COL12A1: variants seen among roughly 807,000 people sequenced by gnomAD.
COL12A1 encodes the protein collagen type XII alpha 1 chain, also known as collagen alpha-1(XII) chain.
A neutral mutation model predicts 349.7 loss-of-function variants in COL12A1; 114 were observed. The ratio of observed to expected loss-of-function variants is 0.33; its 90% CI spans 0.28 to 0.38. The LOEUF is 0.38. COL12A1 is among the 10% of genes least tolerant of loss of function. The pLI, the probability that COL12A1 is intolerant of heterozygous loss-of-function variation, is 1.00. For missense variants in COL12A1, 3,284 were observed against 3,756.9 expected (o/e 0.87, Z 3.29); for synonymous variants, 1,369 against 1,329.0 (o/e 1.03, Z -0.66).
At chr6:75,194,386 A>G (rs528019542) in intron 3 of COL12A1, among the ~76,000 whole-genome samples, 101 of 152,282 alleles carry the variant, frequency 6.6e-4, no homozygotes, top group Non-Finnish European at 9.4e-4. Flanking sequence ...ATCTGTCATC[A>G]TGGTTGTTTA....
At chr6:75,103,429 GGCTCCA>G in intron 55 of COL12A1, among the ~76,000 whole-genome samples, 1 of 152,284 alleles carries the variant, frequency 6.6e-6, no homozygotes, top group South Asian at 2.1e-4. Flanking sequence ...GCTCCCAACA[GGCTCCA>G]GCTCTCTAGC....
At chr6:75,116,500 T>A (rs1437108384) in intron 47 of COL12A1, among the ~76,000 whole-genome samples, 4 of 151,926 alleles carry the variant, frequency 2.6e-5, no homozygotes, top group Non-Finnish European at 4.4e-5. Context: ...GTGCAGTAGT[T>A]TTTGCTCTGG....
rs758814404 is a variant in COL12A1, at chr6:75,125,106, A to T, written c.6607+21T>A. The T allele has an allele frequency of 7.0e-6, 11 of 1,561,764 alleles. No individual in the cohort carries two copies. In the Admixed American group the frequency reaches 1.9e-4, roughly 27 times the overall value. On this transcript the variant is annotated intron_variant, in intron 40 of 65. Transcript: ENST00000322507. ...TTCTACTACAGTTTTTCTCACAACC[A>T]TGAAAATATCCATGACTCACATGTA...
Position 75,148,396 on chromosome 6 carries a change from C to T in COL12A1, c.4249G>A (p.Val1417Met), listed in dbSNP as rs1767309235. 6.2e-7 allele frequency: 1 copy of T among 1,613,212 alleles called. No homozygotes were observed. The highest frequency in any genetic ancestry group is 1.3e-5 in the African/African-American group (1 of 74,800). The change falls in exon 22 of 66, where the codon GTG (valine) becomes ATG (methionine). Residue 1417 changes from valine (V) to methionine (M), a missense_variant. Transcript: ENST00000322507. ...PPSDSVDRYKVEYYPVSGGKR... is the reference protein window; with the variant it reads ...PPSDSVDRYKMEYYPVSGGKR... ...CCTCCAGAAACTGGATAGTATTCCACCTTATATCGATCCACACTGTCAGAA... is the reference window on the plus strand; with the variant it reads ...CCTCCAGAAACTGGATAGTATTCCATCTTATATCGATCCACACTGTCAGAA...
chr6:75,191,562 G>T, intron 5 of COL12A1, 139 bp downstream of exon 5: 2 of 461,802 alleles, frequency 4.3e-6, no homozygotes, highest in East Asian at 3.6e-5. Flanking sequence ...TTCTTATATT[G>T]TCTGTGCTCC....
At chr6:75,093,136 TTCA>T (rs1039885343) in intron 60 of COL12A1, among the ~76,000 whole-genome samples, 1 of 152,206 alleles carries the variant, frequency 6.6e-6, no homozygotes, top group Admixed American at 6.5e-5. Context: ...CTGTTTCTTC[TTCA>T]TAACACTCAT....
At chr6:75,119,601 T>TGTAA (rs1769255850) in intron 44 of COL12A1, 128 bp from the exon 45 acceptor site, 1 of 1,044,330 alleles carries the variant, frequency 9.6e-7, no homozygotes, top group Non-Finnish European at 1.4e-6. Flanking sequence ...GATAGAATAT[T>TGTAA]GTAAGCTCTT....
chr6:75,107,042 T>C (rs1040466271), intron 52 of COL12A1, among the ~76,000 whole-genome samples: 2 of 150,572 alleles, frequency 1.3e-5, no homozygotes, highest in African/African-American at 4.9e-5. Context: ...GCTGGGATTA[T>C]AGGCGTGCAC....
intron 11 of COL12A1, among the ~76,000 whole-genome samples, chr6:75,179,206 A>G (rs934506548): frequency 1.3e-5 from 2 of 152,222 alleles, no homozygotes; most frequent in African/African-American, 4.8e-5. Context: ...CCCAGATTCC[A>G]TTACAGACAA....
rs778776064 is a variant in COL12A1 at position 75,143,302 on chromosome 6, C to T, written c.4777G>A (p.Val1593Met). 4 of 1,613,996 alleles carry T rather than the reference C, an allele frequency of 2.5e-6. 1 individual carries two copies. In the South Asian group the frequency reaches 4.4e-5, roughly 18 times the overall value. The change falls in exon 26 of 66, where the codon GTG (valine) becomes ATG (methionine). Residue 1593 changes from valine to methionine, a missense_variant. Val to Met is a conservative substitution (Grantham distance 21). Transcript: ENST00000322507. The part of the protein sequence containing the change: ...NVFWEPVPGK[V>M]RKYIVRYKTP... The stretch of plus-strand genomic sequence containing the variant: ...TTGTATCGAACAATATATTTACGCA[C>T]TTTTCCAGGCACAGGTTCCCAAAAG...
chr6:75,151,907 T>C lies in COL12A1; in HGVS notation c.3960A>G (p.Ser1320=), dbSNP rs767512171. The C allele has an allele frequency of 1.9e-6, 3 of 1,613,768 alleles. No individual in the cohort carries two copies. In the African/African-American group the frequency reaches 4.0e-5, roughly 22 times the overall value. The part of the protein sequence containing the change: ...GKSQDDVEAP[S]KKLKDEGVEL... ...CCACTCCCTCATCCTTGAGTTTCTT[T>C]GAAGGTGCTTCAACATCGTCTTGTG... is the stretch of plus-strand genomic sequence containing the variant. The change falls in exon 20 of 66, where the codon TCA becomes TCG. Residue 1320 remains serine (S), a synonymous_variant. Coordinates refer to ENST00000322507, the MANE Select transcript of COL12A1 (RefSeq NM_004370.6).
chr6:75,174,201 G>A (rs1281883219), intron 13 of COL12A1, among the ~76,000 whole-genome samples: 6 of 152,202 alleles, frequency 3.9e-5, no homozygotes, highest in Admixed American at 6.5e-5. Flanking sequence ...GTACTTTATC[G>A]CAATCACTTT....
At chr6:75,145,305 T>A in intron 25 of COL12A1, 21 bp downstream of exon 25, 2 of 1,566,940 alleles carry the variant, frequency 1.3e-6, no homozygotes, top group Non-Finnish European at 1.7e-6. Context: ...AGAAGGGAAA[T>A]AAAACTAAGC....
At chr6:75,116,426 C>A (rs999044691) in intron 47 of COL12A1, among the ~76,000 whole-genome samples, 2 of 152,086 alleles carry the variant, frequency 1.3e-5, no homozygotes, top group African/African-American at 4.8e-5. Context: ...CATCCCCAAC[C>A]CTCTTCTCTG....
rs240730 is a variant in COL12A1, at chr6:75,134,537, C to A, written c.5524+189G>T. 0.88 allele frequency among the ~76,000 whole-genome samples: 133,017 copies of A among 151,946 alleles called. 58,294 individuals are homozygous for A. Among genetic ancestry groups the A allele is most frequent in the Admixed American group, 0.9 (13,675 of 15,266 alleles). On this transcript the variant is annotated intron_variant, in intron 32 of 65. Transcript: ENST00000322507. ...AGTGAGCCAAGATCGTGCCACTGCA[C>A]TCCAGCCTGGGCAATAGAGCAAGAC...
chr6:75,196,899 A>C (rs185022860), intron 2 of COL12A1, among the ~76,000 whole-genome samples: 2 of 152,352 alleles, frequency 1.3e-5, no homozygotes, highest in African/African-American at 4.8e-5. Context: ...CCAAATGACC[A>C]GGATTCCAGA....
At chr6:75,098,914 T>C (rs969792073) in intron 58 of COL12A1, among the ~76,000 whole-genome samples, 3 of 152,170 alleles carry the variant, frequency 2.0e-5, no homozygotes, top group Non-Finnish European at 4.4e-5. Flanking sequence ...GACCTCTGCC[T>C]GGAATGAGTC....
intron 3 of COL12A1, among the ~76,000 whole-genome samples, chr6:75,192,932 T>C (rs139666096): frequency 2.0e-5 from 3 of 152,258 alleles, no homozygotes; most frequent in East Asian, 1.9e-4. Flanking sequence ...CAAGGTCCAG[T>C]ATACTAGGTG....
rs751763307 is a variant in COL12A1 at position 75,183,837 on chromosome 6, T to G, written c.1288+17A>C. 2.5e-6 allele frequency: 4 copies of G among 1,612,664 alleles called. No individual in the cohort carries two copies. Among genetic ancestry groups the G allele is most frequent in the Non-Finnish European group, 3.4e-6 (4 of 1,178,882 alleles). ...TCTTCACATATTCCAAATACAATGATGCACACATTGACTTACCCACTTGAA... is the reference window on the plus strand; with the variant it reads ...TCTTCACATATTCCAAATACAATGAGGCACACATTGACTTACCCACTTGAA... On this transcript the variant is annotated intron_variant, in intron 9 of 65. Transcript: ENST00000322507.
Sources: allele counts gnomAD v4.1 joint callset (sites outside exome capture counted in the v4.1 genomes callset), GRCh38; gene constraint gnomAD v4.1.1; transcripts MANE v1.5; gene names NCBI Gene and HGNC (gene_info 2026-07-23, HGNC 2026-07-21).